Variants in ATP6V1H observed in about 807,000 individuals in gnomAD.
ATP6V1H encodes V-type proton ATPase subunit H.
A neutral mutation model predicts 71.7 loss-of-function variants in ATP6V1H; 39 were observed. The ratio of observed to expected loss-of-function variants is 0.54; its 90% CI spans 0.42 to 0.71. The LOEUF (loss-of-function observed/expected upper bound fraction) is 0.71. ATP6V1H is among the 30% of genes least tolerant of loss of function. The pLI is 0.00. For synonymous variants in ATP6V1H, 192 were observed against 199.3 expected (o/e 0.96, Z 0.31); for missense variants, 509 against 594.9 (o/e 0.86, Z 1.50).
At chr8:53,785,010 T>G (rs1049105004) in intron 9 of ATP6V1H, among the ~76,000 whole-genome samples, 1 of 152,156 alleles carries the variant, frequency 6.6e-6, no homozygotes, top group South Asian at 2.1e-4. Context: ...CTGACAATTA[T>G]GTGTCTTGGA....
At chr8:53,821,982 CT>C (rs1810678637) in intron 4 of ATP6V1H, among the ~76,000 whole-genome samples, 1 of 151,960 alleles carries the variant, frequency 6.6e-6, no homozygotes, top group African/African-American at 2.4e-5. Context: ...AAATCTGCCC[CT>C]AATAAAGGAA....
intron 13 of ATP6V1H, among the ~76,000 whole-genome samples, chr8:53,724,216 A>C (rs2130094142): frequency 6.6e-6 from 1 of 152,328 alleles, no homozygotes; most frequent in Non-Finnish European, 1.5e-5. Flanking sequence ...AAGGTCCGGA[A>C]ACCCAAGCAC....
At chr8:53,752,849 G>A (rs546293585) in intron 12 of ATP6V1H, among the ~76,000 whole-genome samples, 8 of 152,176 alleles carry the variant, frequency 5.3e-5, no homozygotes, top group East Asian at 3.9e-4. Context: ...CGCACCCAGC[G>A]ATCCTTTCTT....
At chr8:53,810,162 G>C (rs946913407) in intron 7 of ATP6V1H, among the ~76,000 whole-genome samples, 19 of 152,164 alleles carry the variant, frequency 1.2e-4, no homozygotes, top group Non-Finnish European at 2.6e-4. Flanking sequence ...ACCCTCTAAA[G>C]ATACTTCCTA....
chr8:53,732,560 A>G (rs1243862448), intron 13 of ATP6V1H, among the ~76,000 whole-genome samples: 1 of 152,030 alleles, frequency 6.6e-6, no homozygotes, highest in African/African-American at 2.4e-5. Context: ...CAGGGGTCAG[A>G]GCCAGTGTAC....
In ATP6V1H at chr8:53,724,505, C is replaced by A. The variant is rs147345393; in HGVS notation, c.1392-8481G>T. On this transcript the variant is annotated intron_variant, in intron 13 of 13. Coordinates refer to ENST00000359530, the MANE Select transcript of ATP6V1H (RefSeq NM_015941.4). ...ATATGGCCAGAAGACTGAGTAAGGG[C>A]CATACGATATAAGATGGAAGTGTTG... Among the ~76,000 whole-genome samples, 561 of 151,790 alleles carry A rather than the reference C, an allele frequency of 3.7e-3. 3 individuals are homozygous for A. The highest frequency in any genetic ancestry group is 0.013 in the African/African-American group (518 of 41,388).
intron 2 of ATP6V1H, among the ~76,000 whole-genome samples, chr8:53,839,466 T>C (rs532349381): frequency 6.6e-6 from 1 of 152,116 alleles, no homozygotes; most frequent in African/African-American, 2.4e-5. Flanking sequence ...CCCAGTTCCT[T>C]AAAGTAGGAA....
At chr8:53,752,737 G>A (rs145293821) in intron 12 of ATP6V1H, among the ~76,000 whole-genome samples, 153 of 152,186 alleles carry the variant, frequency 1.0e-3, no homozygotes, top group African/African-American at 3.5e-3. Flanking sequence ...TTTTAGTAGA[G>A]ACGGGGTTTC....
At chr8:53,801,989 C>T in intron 7 of ATP6V1H, 93 bp from the exon 8 acceptor site, 1 of 1,095,302 alleles carries the variant, frequency 9.1e-7, no homozygotes, top group Non-Finnish European at 1.3e-6. Flanking sequence ...AGATTACCTA[C>T]TGGAATTACC....
intron 2 of ATP6V1H, among the ~76,000 whole-genome samples, chr8:53,840,926 C>A (rs190318912): frequency 6.6e-6 from 1 of 152,052 alleles, no homozygotes; most frequent in Admixed American, 6.5e-5. Flanking sequence ...ACTGAAACAT[C>A]AGCACATTAA....
intron 8 of ATP6V1H, among the ~76,000 whole-genome samples, chr8:53,800,314 G>A (rs957597684): frequency 1.3e-5 from 2 of 152,168 alleles, no homozygotes; most frequent in Non-Finnish European, 2.9e-5. Context: ...CTATGTCTGT[G>A]AGTCTTTCTA....
intron 7 of ATP6V1H, among the ~76,000 whole-genome samples, chr8:53,809,189 T>C (rs1810191818): frequency 6.6e-6 from 1 of 152,188 alleles, no homozygotes; most frequent in South Asian, 2.1e-4. Context: ...TACTCATCCA[T>C]AAAATGCGGC....
chr8:53,717,311 G>A (rs1166694196), intron 13 of ATP6V1H, among the ~76,000 whole-genome samples: 1 of 152,206 alleles, frequency 6.6e-6, no homozygotes, highest in African/African-American at 2.4e-5. Flanking sequence ...ACGCAGTGGC[G>A]GAGCAGCAGG....
At chr8:53,744,114 G>A (rs1376787473) in intron 12 of ATP6V1H, among the ~76,000 whole-genome samples, 1 of 152,040 alleles carries the variant, frequency 6.6e-6, no homozygotes, top group Non-Finnish European at 1.5e-5. Context: ...CGTGCTGCGT[G>A]AAGATAGGGG....
At chr8:53,808,622 T>C (rs1379105106) in intron 7 of ATP6V1H, among the ~76,000 whole-genome samples, 1 of 151,892 alleles carries the variant, frequency 6.6e-6, no homozygotes, top group Admixed American at 6.6e-5. Flanking sequence ...CAAAAAAAAT[T>C]AGCGGGGCAT....
chr8:53,789,680 A>G (rs926706065), intron 9 of ATP6V1H, among the ~76,000 whole-genome samples: 1 of 152,182 alleles, frequency 6.6e-6, no homozygotes, highest in Non-Finnish European at 1.5e-5. Context: ...CCATACGTCT[A>G]TTTCACCTTA....
rs552322853 is a variant in ATP6V1H at position 53,739,271 on chromosome 8, TA to T, written c.1391+4305del. The stretch of plus-strand genomic sequence containing the variant: ...TATCCTAAAAATTAGCTAAAACACA[TA>T]AGAGGTTTTTTTTTCTTTAGTTCAT... On this transcript the variant is annotated intron_variant, in intron 13 of 13. Transcript: ENST00000359530. Among the ~76,000 whole-genome samples, 345 of 152,312 alleles carry T rather than the reference TA, an allele frequency of 2.3e-3. 2 individuals carry two copies. Among genetic ancestry groups the T allele is most frequent in the African/African-American group, 8.0e-3 (334 of 41,554 alleles).
At chr8:53,722,546 A>T (rs1284527701) in intron 13 of ATP6V1H, among the ~76,000 whole-genome samples, 1 of 152,098 alleles carries the variant, frequency 6.6e-6, no homozygotes, top group Non-Finnish European at 1.5e-5. Flanking sequence ...CTTATTGCAG[A>T]CCTCTTTTTC....
chr8:53,819,384 T>C (rs1450637145), intron 4 of ATP6V1H, among the ~76,000 whole-genome samples: 4 of 150,398 alleles, frequency 2.7e-5, no homozygotes, highest in Non-Finnish European at 4.4e-5. Context: ...ATGCAAAAAT[T>C]AGCCGGGTGT....
Sources: gnomAD v4.1 joint callset for allele counts (sites outside exome capture counted in the v4.1 genomes callset) on GRCh38, gnomAD v4.1.1 for gene constraint, MANE v1.5 for transcripts, NCBI Gene and HGNC (gene_info 2026-07-23, HGNC 2026-07-21) for gene names.